ATXN2: variants seen among roughly 807,000 people sequenced by gnomAD.
ATXN2 encodes ataxin 2.
A neutral mutation model predicts 138.6 loss-of-function variants in ATXN2; 37 were observed. That is an observed-to-expected ratio of 0.27 (90% CI 0.21 to 0.35). ATXN2 has a LOEUF of 0.35. Among genes scored for constraint, ATXN2 ranks in the 10% least tolerant of loss-of-function variants. The pLI is 1.00. For missense variants in ATXN2, 1,216 were observed against 1,480.3 expected (o/e 0.82, Z 2.93); for synonymous variants, 549 against 543.7 (o/e 1.01, Z -0.13).
chr12:111,533,302 C>T (rs747515000), intron 5 of ATXN2, among the ~76,000 whole-genome samples: 1 of 152,016 alleles, frequency 6.6e-6, no homozygotes, highest in South Asian at 2.1e-4. Context: ...TCTAATACCC[C>T]CTAGGGATAC....
intron 5 of ATXN2, among the ~76,000 whole-genome samples, chr12:111,542,881 TA>T (rs1207930090): frequency 6.6e-6 from 1 of 152,246 alleles, no homozygotes; most frequent in African/African-American, 2.4e-5. Context: ...TAGAGGTTTT[TA>T]TTTTTTTTAT....
chr12:111,588,493 G>A (rs567035382), intron 1 of ATXN2, among the ~76,000 whole-genome samples: 3 of 151,782 alleles, frequency 2.0e-5, no homozygotes, highest in South Asian at 2.1e-4. Flanking sequence ...GAGATGGTGC[G>A]TGCCTGCAGT....
intron 1 of ATXN2, among the ~76,000 whole-genome samples, chr12:111,592,467 A>C (rs1884718480): frequency 1.3e-5 from 2 of 151,464 alleles, no homozygotes; most frequent in Non-Finnish European, 2.9e-5. Context: ...AACAAAAAAA[A>C]CACAAGTACT....
chr12:111,578,561 T>A (rs1193516069), intron 1 of ATXN2, among the ~76,000 whole-genome samples: 1 of 152,166 alleles, frequency 6.6e-6, no homozygotes, highest in Non-Finnish European at 1.5e-5. Context: ...AGGTATACCA[T>A]CTAGGCTTGT....
chr12:111,482,190 A>ATT (rs1164424839), intron 18 of ATXN2, among the ~76,000 whole-genome samples: 110 of 101,330 alleles, frequency 1.1e-3, no homozygotes, highest in Non-Finnish European at 1.5e-3. Context: ...TTTCTCTACT[A>ATT]TTTTTTTTTT....
chr12:111,473,165 T>C (rs989037991), intron 18 of ATXN2, among the ~76,000 whole-genome samples: 2 of 151,776 alleles, frequency 1.3e-5, no homozygotes, highest in African/African-American at 2.4e-5. Context: ...TCCCAGCTAC[T>C]TGGGAGGCTG....
chr12:111,536,654 T>C (rs778354585), intron 5 of ATXN2, among the ~76,000 whole-genome samples: 1 of 151,990 alleles, frequency 6.6e-6, no homozygotes, highest in African/African-American at 2.4e-5. Context: ...CCAACAGTTA[T>C]GTAAAAGGTT....
At chr12:111,562,778 C>T (rs1882774608) in intron 1 of ATXN2, among the ~76,000 whole-genome samples, 1 of 147,382 alleles carries the variant, frequency 6.8e-6, no homozygotes, top group Admixed American at 6.7e-5. Context: ...AAGGGCATCA[C>T]TACTTGGTAA....
At chr12:111,521,553 G>A (rs1880157795) in intron 6 of ATXN2, among the ~76,000 whole-genome samples, 1 of 152,190 alleles carries the variant, frequency 6.6e-6, no homozygotes, top group Admixed American at 6.5e-5. Flanking sequence ...CAAATGGGAA[G>A]GCAGCATGAA....
intron 18 of ATXN2, among the ~76,000 whole-genome samples, chr12:111,473,017 A>T (rs1876522706): frequency 6.6e-6 from 1 of 152,188 alleles, no homozygotes; most frequent in South Asian, 2.1e-4. Flanking sequence ...TCATGCCTGT[A>T]GTCCCACCAC....
At chr12:111,493,908 G>A (rs1878223272) in intron 14 of ATXN2, among the ~76,000 whole-genome samples, 1 of 151,814 alleles carries the variant, frequency 6.6e-6, no homozygotes, top group Admixed American at 6.6e-5. Context: ...GATTAGGCGT[G>A]AGCCACTAGG....
chr12:111,509,557 C>A lies in ATXN2; in HGVS notation c.1927G>T (p.Asp643Tyr). ...QIDDLKKFKN[D>Y]FRLQPSSTSE... Reference sequence around the variant, plus strand: ...GTTAGTACAATACTTACCCTAAAATCATTCTTAAATTTCTTTAAATCATCA... The same window carrying A: ...GTTAGTACAATACTTACCCTAAAATAATTCTTAAATTTCTTTAAATCATCA... The change falls in exon 14 of 25, where the codon GAT (aspartate) becomes TAT (tyrosine). Residue 643 changes from aspartate to tyrosine, a missense_variant. By Grantham distance (160) the Asp-to-Tyr change is radical. Around this residue, in one of 4 missense-constraint regions of ATXN2, gnomAD observed 215 missense variants for 210.0 expected, o/e 1.02. Coordinates refer to ENST00000673436, the MANE Select transcript of ATXN2 (RefSeq NM_001372574.1). The A allele has an allele frequency of 2.1e-6, 3 of 1,451,468 alleles. No individual in the cohort carries two copies. Among genetic ancestry groups the A allele is most frequent in the South Asian group, 1.2e-5 (1 of 82,874 alleles). The allele number at this position is 1,451,468 out of a possible 1,614,324, so 89.9% of individuals were successfully genotyped here.
At position 111,540,880 on chromosome 12, in the gene ATXN2, A is replaced by G. The variant is rs542898342; in HGVS notation, c.571+11400T>C. The stretch of plus-strand genomic sequence containing the variant: ...TGACTAATTTTTTTGTATTTTTAGT[A>G]GAGATGGGGTTTCACCAGGTTGACC... On this transcript the variant is annotated intron_variant, in intron 5 of 24. Coordinates refer to ENST00000673436, the MANE Select transcript of ATXN2 (RefSeq NM_001372574.1). Among the ~76,000 whole-genome samples, 60 of 149,980 alleles carry G rather than the reference A, an allele frequency of 4.0e-4. 5 individuals carry two copies. In the South Asian group the frequency reaches 0.012, roughly 31 times the overall value.
rs533158471 is a variant in ATXN2 at position 111,585,603 on chromosome 12, G to A, written c.251+13181C>T. ...GCGGATCACCTGAGGTCAGGAGTTC[G>A]AGACCAGCCTGGCCAAAATGGGGAA... On this transcript the variant is annotated intron_variant, in intron 1 of 24. Transcript: ENST00000673436. Among the ~76,000 whole-genome samples, 222 of 151,202 alleles carry A rather than the reference G, an allele frequency of 1.5e-3. 5 individuals carry two copies. In the South Asian group the frequency reaches 0.016, roughly 11 times the overall value.
chr12:111,598,972 CTGCTGT>C lies in ATXN2; in HGVS notation c.57_62del (p.Gln27_Gln28del), dbSNP rs772718667. 343 of 1,428,370 alleles carry C rather than the reference CTGCTGT, an allele frequency of 2.4e-4. No homozygotes were observed. The highest frequency in any genetic ancestry group is 1.9e-3 in the East Asian group (68 of 36,276). The allele number at this position is 1,428,370 out of a possible 1,614,324, so 88.5% of individuals were successfully genotyped here. Reference sequence around the variant, plus strand: ...GCGGCTGCTGCTGCTGCTGCTGCTGCTGCTGTTGCTGCTGCTGCTGCTGCTGCTGCT... The same window carrying C: ...GCGGCTGCTGCTGCTGCTGCTGCTGCTGCTGCTGCTGCTGCTGCTGCTGCT... On this transcript the variant is annotated inframe_deletion, in exon 1 of 25. Coordinates refer to ENST00000673436, the MANE Select transcript of ATXN2 (RefSeq NM_001372574.1). This position sits in a 1 kb window ranked among gnomAD's most constrained non-coding sequence, Gnocchi z 4.5.
At chr12:111,535,650 G>T (rs1320966220) in intron 5 of ATXN2, among the ~76,000 whole-genome samples, 1 of 151,502 alleles carries the variant, frequency 6.6e-6, no homozygotes, top group African/African-American at 2.4e-5. Context: ...AAGGCACAAA[G>T]TTGGTGATGT....
intron 5 of ATXN2, among the ~76,000 whole-genome samples, chr12:111,535,720 G>C (rs1488090377): frequency 6.6e-6 from 1 of 151,976 alleles, no homozygotes; most frequent in Non-Finnish European, 1.5e-5. Flanking sequence ...TGGGAAATAG[G>C]CCGGGCGCGG....
intron 12 of ATXN2, among the ~76,000 whole-genome samples, 157 bp downstream of exon 12, chr12:111,510,228 G>T (rs752149983): frequency 2.0e-5 from 3 of 152,104 alleles, no homozygotes; most frequent in Non-Finnish European, 2.9e-5. Flanking sequence ...TAAATTAGTA[G>T]TATTAAACAA....
chr12:111,598,976 T>G lies in ATXN2; in HGVS notation c.59A>C (p.Gln20Pro), dbSNP rs1302210982. Residue 20 changes from glutamine to proline, a missense_variant, in exon 1 of 25, where the codon CAG (glutamine) becomes CCG (proline). By Grantham distance (76) the Gln-to-Pro change is moderately conservative. Transcript: ENST00000673436. The surrounding 1 kb of genome is among the most constrained non-coding windows in gnomAD (Gnocchi z 4.5). ...QQQQQQQQQQ[Q>P]QQQQQQQQPP... is the part of the protein sequence containing the mutation. ...CTGCTGCTGCTGCTGCTGCTGCTGC[T>G]GTTGCTGCTGCTGCTGCTGCTGCTG... 2.9e-5 allele frequency: 41 copies of G among 1,433,434 alleles called. No homozygotes were observed. In the African/African-American group the frequency reaches 6.9e-4, roughly 24 times the overall value. The allele number at this position is 1,433,434 out of a possible 1,614,324, so 88.8% of individuals were successfully genotyped here. A position where few individuals can be genotyped will look rare whatever the true frequency, so the allele number is the denominator to read the frequency against.
Sources: allele counts gnomAD v4.1 joint callset (sites outside exome capture counted in the v4.1 genomes callset), GRCh38; gene constraint gnomAD v4.1.1; regional missense constraint gnomAD v4.1.1; non-coding constraint Gnocchi (gnomAD v3.1); transcripts MANE v1.5; gene names NCBI Gene and HGNC (gene_info 2026-07-23, HGNC 2026-07-21).